The following BRD4 variants were observed in gnomAD, a reference collection of about 807,000 sequenced individuals.
BRD4 encodes bromodomain containing 4, also known as bromodomain-containing protein 4.
A neutral mutation model predicts 142.1 loss-of-function variants in BRD4; 16 were observed. The observed-to-expected ratio is 0.11, with a 90% CI of 0.08 to 0.17. The LOEUF is 0.17. Among genes scored for constraint, BRD4 ranks in the 10% least tolerant of loss-of-function variants. BRD4 has a pLI of 1.00. For synonymous variants in BRD4, 833 were observed against 707.5 expected (o/e 1.18, Z -2.82); for missense variants, 1,424 against 1,810.9 (o/e 0.79, Z 3.88).
chr19:15,290,748 T>C (rs574929191), intron 1 of BRD4, among the ~76,000 whole-genome samples: 2 of 152,310 alleles, frequency 1.3e-5, no homozygotes, highest in East Asian at 1.9e-4. Context: ...GTTTCCAGTG[T>C]GTTCCATCTC....
rs751522734 is a variant in BRD4, at chr19:15,238,693, C to G, written c.4020+50G>C. The G allele has an allele frequency of 2.0e-6, 3 of 1,463,776 alleles. No individual in the cohort carries two copies. The highest frequency in any genetic ancestry group is 2.8e-5 in the African/African-American group (2 of 70,286). 90.7% of individuals were successfully genotyped at this position (1,463,776 alleles called of 1,614,324 possible). On this transcript the variant is annotated intron_variant, in intron 19 of 19. Coordinates refer to ENST00000679869, the MANE Select transcript of BRD4 (RefSeq NM_001379291.1). This position sits in a 1 kb window ranked among gnomAD's most constrained non-coding sequence, Gnocchi z 7.2. ...GCTCCAGTCCCCCTTTCCCAGCTCC[C>G]TCAGGAGCTAATCCTTAGACCAGGG...
At chr19:15,260,409 C>T (rs961269452) in intron 7 of BRD4, among the ~76,000 whole-genome samples, 8 of 152,194 alleles carry the variant, frequency 5.3e-5, no homozygotes, top group African/African-American at 1.9e-4. Flanking sequence ...CCTGCTGATG[C>T]AGAGAAAGTA....
Position 15,238,565 on chromosome 19 carries a change from C to T in BRD4, c.4021-120G>A, listed in dbSNP as rs780389662. The T allele has an allele frequency of 2.4e-5, 37 of 1,544,520 alleles. No homozygotes were observed. The highest frequency in any genetic ancestry group is 9.6e-5 in the African/African-American group (7 of 72,830). ...CCTCCCCGTGGCTGACCCCTCATAG[C>T]GCTCACCCCGTCCACACAGCACTCA... On this transcript the variant is annotated intron_variant, in intron 19 of 19. Coordinates refer to ENST00000679869, the MANE Select transcript of BRD4 (RefSeq NM_001379291.1). This position sits in a 1 kb window ranked among gnomAD's most constrained non-coding sequence, Gnocchi z 7.2.
At position 15,330,889 on chromosome 19, in the gene BRD4, T is replaced by C. The variant is rs1009217947; in HGVS notation, c.-35+1401A>G. On this transcript the variant is annotated intron_variant, in intron 1 of 19. Transcript: ENST00000679869. ...CTTTCTTTACAACTTCCAAAGACGGTAGGGAACTTGACAGCTCCATTCACA... is the reference window on the plus strand; with the variant it reads ...CTTTCTTTACAACTTCCAAAGACGGCAGGGAACTTGACAGCTCCATTCACA... Among the ~76,000 whole-genome samples, 4 of 152,162 alleles carry C rather than the reference T, an allele frequency of 2.6e-5. No homozygotes were observed. The East Asian group carries it at 5.8e-4, about 22-fold the overall frequency.
intron 11 of BRD4, chr19:15,253,931 G>T: frequency 2.7e-6 from 2 of 754,036 alleles, no homozygotes; most frequent in Non-Finnish European, 4.2e-6. Context: ...CTGGCAGGGA[G>T]AGCATAACGG....
rs74470222 is a variant in BRD4, at chr19:15,249,443, C to T, written c.2159-4681G>A. Among the ~76,000 whole-genome samples, 5 of 152,210 alleles carry T rather than the reference C, an allele frequency of 3.3e-5. No individual in the cohort carries two copies. In the East Asian group the frequency reaches 7.7e-4, roughly 23 times the overall value. On this transcript the variant is annotated intron_variant, in intron 11 of 19. Coordinates refer to ENST00000679869, the MANE Select transcript of BRD4 (RefSeq NM_001379291.1). ...GGCACTGGAGACTGGAGCCCTGCCCCGTGCCTGGCTAACCCTGGGTAGGGA... is the reference window on the plus strand; with the variant it reads ...GGCACTGGAGACTGGAGCCCTGCCCTGTGCCTGGCTAACCCTGGGTAGGGA...
chr19:15,259,292 G>A (rs1200095605), intron 7 of BRD4, among the ~76,000 whole-genome samples: 2 of 152,240 alleles, frequency 1.3e-5, no homozygotes, highest in African/African-American at 4.8e-5. Flanking sequence ...CAAAGGGAGT[G>A]CCCTCTACTG....
intron 1 of BRD4, among the ~76,000 whole-genome samples, chr19:15,293,885 T>A (rs151008837): frequency 3.9e-5 from 6 of 152,340 alleles, no homozygotes; most frequent in Admixed American, 1.3e-4. Context: ...CTCATGTAAG[T>A]TGAATCACAA....
intron 11 of BRD4, chr19:15,253,666 G>A (rs1269029377): frequency 1.9e-6 from 3 of 1,598,162 alleles, no homozygotes; most frequent in East Asian, 2.2e-5. Flanking sequence ...CTGGCCAGCT[G>A]CAGTCTGCTC....
chr19:15,319,050 C>A (rs567707549), intron 1 of BRD4, among the ~76,000 whole-genome samples: 1 of 152,244 alleles, frequency 6.6e-6, no homozygotes, highest in Admixed American at 6.5e-5. Flanking sequence ...ATGTGAAAAC[C>A]AGCCTGGCAC....
chr19:15,318,839 C>G (rs2048037827), intron 1 of BRD4, among the ~76,000 whole-genome samples: 1 of 152,218 alleles, frequency 6.6e-6, no homozygotes, highest in South Asian at 2.1e-4. Flanking sequence ...CTGGTACATT[C>G]TCAAATTCCT....
intron 11 of BRD4, chr19:15,253,861 C>G (rs1209467879): frequency 1.6e-6 from 2 of 1,277,828 alleles, no homozygotes; most frequent in African/African-American, 2.9e-5. Context: ...GCTTCCCCGC[C>G]CACCATCCAG....
At chr19:15,304,794 A>C (rs371747626) in intron 1 of BRD4, among the ~76,000 whole-genome samples, 5 of 152,194 alleles carry the variant, frequency 3.3e-5, no homozygotes, top group African/African-American at 1.2e-4. Flanking sequence ...TTTGCAGCCA[A>C]GGAAGCTGAT....
intron 10 of BRD4, among the ~76,000 whole-genome samples, chr19:15,254,813 G>A (rs554763610): frequency 4.3e-4 from 66 of 152,302 alleles, no homozygotes; most frequent in Admixed American, 9.8e-4. Context: ...ATCCTCAGAG[G>A]AAAGCCGTAG....
chr19:15,264,835 C>T (rs1276279421), intron 5 of BRD4, 69 bp from the exon 6 acceptor site: 76 of 1,536,362 alleles, frequency 4.9e-5, no homozygotes, highest in Non-Finnish European at 6.2e-5. Context: ...CTCAGGGTCA[C>T]CCCCAAAGCC....
intron 11 of BRD4, among the ~76,000 whole-genome samples, chr19:15,245,691 A>AG (rs1420449030): frequency 1.3e-5 from 2 of 152,150 alleles, no homozygotes; most frequent in Non-Finnish European, 2.9e-5. Flanking sequence ...CAAGCCCCAC[A>AG]GGGGGACATG....
chr19:15,331,681 T>G (rs1243689846), intron 1 of BRD4, among the ~76,000 whole-genome samples: 1 of 151,578 alleles, frequency 6.6e-6, no homozygotes, highest in Non-Finnish European at 1.5e-5. Context: ...GAGATGGGGG[T>G]GGGGGCGCGC....
intron 11 of BRD4, among the ~76,000 whole-genome samples, chr19:15,250,755 T>G (rs2145546277): frequency 6.6e-6 from 1 of 152,312 alleles, no homozygotes; most frequent in East Asian, 1.9e-4. Flanking sequence ...GAACCAGATG[T>G]CAGCTATGTG....
intron 1 of BRD4, among the ~76,000 whole-genome samples, chr19:15,303,538 GATC>G: frequency 6.6e-6 from 1 of 152,224 alleles, no homozygotes; most frequent in Admixed American, 6.5e-5. Flanking sequence ...TATCTACTGA[GATC>G]ATCTTATCAA....
Sources: allele counts gnomAD v4.1 joint callset (sites outside exome capture counted in the v4.1 genomes callset), GRCh38; gene constraint gnomAD v4.1.1; non-coding constraint Gnocchi (gnomAD v3.1); transcripts MANE v1.5; gene names NCBI Gene and HGNC (gene_info 2026-07-23, HGNC 2026-07-21).